Variants in WWOX observed in about 807,000 individuals in gnomAD.
WWOX encodes the protein WW domain-containing oxidoreductase.
Under a neutral mutation model 46.2 loss-of-function variants are expected in WWOX, and 69 were observed. The observed-to-expected ratio is 1.49, with a 90% CI of 1.23 to 1.82. The LOEUF (loss-of-function observed/expected upper bound fraction) is 1.82. WWOX is among the 40% of genes most tolerant of loss of function. The probability of loss-of-function intolerance (pLI) is 0.00; values close to 1 mark genes in which losing one functional copy is unlikely to be tolerated. For synonymous variants in WWOX, 359 were observed against 202.6 expected, an observed-to-expected ratio of 1.77 and a Z score of -6.56; for missense variants, 919 against 542.6, an observed-to-expected ratio of 1.69 and a Z score of -6.89.
chr16:78,992,010 G>T (rs1034668102), intron 8 of WWOX, among the ~76,000 whole-genome samples: 2 of 152,148 alleles, frequency 1.3e-5, no homozygotes, highest in African/African-American at 2.4e-5. Context: ...TCACCTGAAG[G>T]ATCTTCTCCC....
At chr16:78,481,922 T>A (rs1175359362) in intron 8 of WWOX, among the ~76,000 whole-genome samples, 1 of 152,166 alleles carries the variant, frequency 6.6e-6, no homozygotes, top group African/African-American at 2.4e-5. Context: ...AACCTTTCCT[T>A]ACCCAAAGAT....
intron 8 of WWOX, among the ~76,000 whole-genome samples, chr16:79,182,914 C>T (rs1312474416): frequency 6.6e-6 from 1 of 152,200 alleles, no homozygotes; most frequent in Non-Finnish European, 1.5e-5. Flanking sequence ...GGCTGATGAG[C>T]ATCCTCAGAA....
intron 8 of WWOX, among the ~76,000 whole-genome samples, chr16:78,603,176 C>A (rs1410876974): frequency 6.6e-6 from 1 of 152,226 alleles, no homozygotes; most frequent in Non-Finnish European, 1.5e-5. Context: ...ACATCATCTT[C>A]TAACAGCTTC....
intron 8 of WWOX, among the ~76,000 whole-genome samples, chr16:78,728,484 C>T (rs976028048): frequency 3.3e-5 from 5 of 152,210 alleles, no homozygotes; most frequent in Admixed American, 3.3e-4. Flanking sequence ...CAGATTCTCA[C>T]TTCTTTTCCT....
At chr16:78,933,176 C>A (rs564747451) in intron 8 of WWOX, among the ~76,000 whole-genome samples, 1 of 152,206 alleles carries the variant, frequency 6.6e-6, no homozygotes, top group Non-Finnish European at 1.5e-5. Flanking sequence ...TGGTGGCTCA[C>A]GCCTGTAATC....
rs1240968561 is a variant in WWOX at position 78,798,432 on chromosome 16, A to T, written c.1056+365680A>T. On this transcript the variant is annotated intron_variant, in intron 8 of 8. Transcript: ENST00000566780. The stretch of plus-strand genomic sequence containing the variant: ...AAAACTGGTGCGATGCGGGAACAAA[A>T]GCTATTTTATCATTAATATGCCGCT... Among the ~76,000 whole-genome samples, 12 of 152,196 alleles carry T rather than the reference A, an allele frequency of 7.9e-5. 1 individual carries two copies. Among genetic ancestry groups the T allele is most frequent in the Admixed American group, 3.9e-4 (6 of 15,270 alleles).
chr16:79,173,985 G>A (rs1395902193), intron 8 of WWOX, among the ~76,000 whole-genome samples: 1 of 152,138 alleles, frequency 6.6e-6, no homozygotes, highest in Admixed American at 6.5e-5. Flanking sequence ...TGCCTCCCTA[G>A]TGAAATCTGT....
At chr16:78,990,218 C>T (rs1274095530) in intron 8 of WWOX, among the ~76,000 whole-genome samples, 2 of 150,710 alleles carry the variant, frequency 1.3e-5, no homozygotes, top group Non-Finnish European at 2.9e-5. Flanking sequence ...AGAGGTTGAG[C>T]TCAACTGATC....
At chr16:78,368,006 C>T (rs544588419) in intron 5 of WWOX, among the ~76,000 whole-genome samples, 1 of 152,282 alleles carries the variant, frequency 6.6e-6, no homozygotes, top group South Asian at 2.1e-4. Flanking sequence ...ATCTGCCTGC[C>T]TCAGCCTCCC....
chr16:78,427,888 C>A (rs111837279), intron 7 of WWOX, among the ~76,000 whole-genome samples: 1 of 152,026 alleles, frequency 6.6e-6, no homozygotes, highest in South Asian at 2.1e-4. Flanking sequence ...GCCAGCATGG[C>A]GAAACCCCAT....
chr16:79,083,174 C>T (rs2048791915), intron 8 of WWOX, among the ~76,000 whole-genome samples: 1 of 152,136 alleles, frequency 6.6e-6, no homozygotes, highest in Non-Finnish European at 1.5e-5. Flanking sequence ...CACTGCGGTT[C>T]CCCTACTTGA....
At chr16:78,148,725 G>A (rs1469912896) in intron 4 of WWOX, among the ~76,000 whole-genome samples, 8 of 151,574 alleles carry the variant, frequency 5.3e-5, no homozygotes, top group Non-Finnish European at 1.2e-4. Context: ...GTGAAACCCC[G>A]TCTCTACTAA....
chr16:78,234,860 C>A lies in WWOX; in HGVS notation c.516+70571C>A, dbSNP rs549771399. Among the ~76,000 whole-genome samples the A allele has an allele frequency of 7.0e-3, 1,066 of 151,628 alleles. 14 individuals are homozygous for A. Among genetic ancestry groups the A allele is most frequent in the African/African-American group, 0.024 (988 of 41,416 alleles). On this transcript the variant is annotated intron_variant, in intron 5 of 8. Transcript: ENST00000566780. ...GGGATTTAAAAATCAAATTTAACTT[C>A]AAAAAACTGAAGTTGATATAGCAGG...
chr16:78,747,891 G>A (rs117122605), intron 8 of WWOX, among the ~76,000 whole-genome samples: 2 of 152,120 alleles, frequency 1.3e-5, no homozygotes, highest in Non-Finnish European at 2.9e-5. Flanking sequence ...CCACCTGTCA[G>A]TGGAGGGGCA....
At chr16:79,191,129 G>T (rs914574800) in intron 8 of WWOX, among the ~76,000 whole-genome samples, 1 of 152,072 alleles carries the variant, frequency 6.6e-6, no homozygotes, top group Non-Finnish European at 1.5e-5. Context: ...CCTTGGCTCA[G>T]TGCAGCCTCC....
At position 78,955,070 on chromosome 16, in the gene WWOX, C is replaced by A. The variant is rs117789113; in HGVS notation, c.1057-256538C>A. On this transcript the variant is annotated intron_variant, in intron 8 of 8. Coordinates refer to ENST00000566780, the MANE Select transcript of WWOX (RefSeq NM_016373.4). ...CCCCACAAAGTATTGGGAATGTATT[C>A]TTTCCTGATCAGGAAACTCCGCAGA... Among the ~76,000 whole-genome samples, 145 of 152,284 alleles carry A rather than the reference C, an allele frequency of 9.5e-4. 1 individual carries two copies. The East Asian group carries it at 0.026, about 28-fold the overall frequency.
intron 8 of WWOX, among the ~76,000 whole-genome samples, chr16:78,692,187 G>T (rs1350013419): frequency 2.6e-5 from 4 of 152,114 alleles, no homozygotes; most frequent in Non-Finnish European, 2.9e-5. Flanking sequence ...AAGGGAGTGT[G>T]GTTGTACTTC....
chr16:78,815,991 T>C (rs150390402), intron 8 of WWOX, among the ~76,000 whole-genome samples: 1 of 152,332 alleles, frequency 6.6e-6, no homozygotes, highest in Admixed American at 6.5e-5. Flanking sequence ...CTTCCTGGGA[T>C]ATTGCTCAAT....
chr16:78,452,878 T>TATAC (rs1555542797), intron 8 of WWOX, among the ~76,000 whole-genome samples: 2 of 143,020 alleles, frequency 1.4e-5, no homozygotes, highest in East Asian at 4.1e-4. Flanking sequence ...TATATATATA[T>TATAC]ATACATATTT....
Sources: gnomAD v4.1 joint callset for allele counts (sites outside exome capture counted in the v4.1 genomes callset) on GRCh38, gnomAD v4.1.1 for gene constraint, MANE v1.5 for transcripts, NCBI Gene and HGNC (gene_info 2026-07-23, HGNC 2026-07-21) for gene names.